Variants in SMYD3 observed in about 807,000 individuals in gnomAD.
SMYD3 encodes the protein histone-lysine N-methyltransferase SMYD3.
In SMYD3, 36 loss-of-function variants were observed where a neutral mutation model predicts 57.7. The ratio of observed to expected loss-of-function variants is 0.62; its 90% CI spans 0.48 to 0.82. SMYD3 has a LOEUF of 0.82. SMYD3 is among the 40% of genes least tolerant of loss of function. SMYD3 has a pLI of 0.00. For missense variants in SMYD3, 515 were observed against 538.8 expected, an observed-to-expected ratio of 0.96 and a Z score of 0.44; for synonymous variants, 211 against 195.0, an observed-to-expected ratio of 1.08 and a Z score of -0.68.
At chr1:246,407,718 T>A (rs1267196261) in intron 1 of SMYD3, among the ~76,000 whole-genome samples, 1 of 151,930 alleles carries the variant, frequency 6.6e-6, no homozygotes. Context: ...GGCAAGCGCC[T>A]GTAATCCCAG....
intron 10 of SMYD3, among the ~76,000 whole-genome samples, chr1:245,792,918 T>C (rs921800432): frequency 1.3e-5 from 2 of 152,166 alleles, no homozygotes; most frequent in African/African-American, 4.8e-5. Context: ...TATGCTCTCC[T>C]AAGTTATAAA....
At chr1:245,808,716 A>C (rs1015527970) in intron 10 of SMYD3, among the ~76,000 whole-genome samples, 49 of 151,766 alleles carry the variant, frequency 3.2e-4, no homozygotes, top group African/African-American at 1.2e-3. Context: ...GTCCCATCCC[A>C]GGACAGTGCT....
chr1:246,447,436 G>A (rs1191079455), intron 1 of SMYD3, among the ~76,000 whole-genome samples: 1 of 152,134 alleles, frequency 6.6e-6, no homozygotes, highest in Non-Finnish European at 1.5e-5. Context: ...CCAAACTTAT[G>A]ACAAGATGAA....
intron 5 of SMYD3, among the ~76,000 whole-genome samples, chr1:246,228,646 G>A (rs2148442156): frequency 6.6e-6 from 1 of 152,262 alleles, no homozygotes; most frequent in African/African-American, 2.4e-5. Context: ...TATGGTGGCT[G>A]AAGTGACAAT....
chr1:246,301,582 C>CAA (rs2064892162), intron 5 of SMYD3, among the ~76,000 whole-genome samples: 1 of 152,104 alleles, frequency 6.6e-6, no homozygotes, highest in Non-Finnish European at 1.5e-5. Flanking sequence ...TTTATACTGT[C>CAA]TATTGAGAGT....
At chr1:246,407,282 C>T (rs2066882600) in intron 1 of SMYD3, among the ~76,000 whole-genome samples, 1 of 152,200 alleles carries the variant, frequency 6.6e-6, no homozygotes, top group Non-Finnish European at 1.5e-5. Context: ...TCTAAGATTG[C>T]AACCACCAGG....
Position 245,964,796 on chromosome 1 carries a change from T to TGAA in SMYD3, c.532-34860_532-34859insTTC, listed in dbSNP as rs1553375138. Among the ~76,000 whole-genome samples, 4 of 131,344 alleles carry TGAA rather than the reference T, an allele frequency of 3.0e-5. No individual in the cohort carries two copies. The South Asian group carries it at 7.0e-4, about 23-fold the overall frequency. 86.2% of individuals were successfully genotyped at this position (131,344 alleles called of 152,430 possible). On this transcript the variant is annotated intron_variant, in intron 5 of 11. Coordinates refer to ENST00000490107, the MANE Select transcript of SMYD3 (RefSeq NM_001167740.2). Reference sequence around the variant, plus strand: ...GAAAAAGCAAAGAGAACAAAGATTGTAAAAAAAAAAAAAGAATATCCAAGA... The same window carrying TGAA: ...GAAAAAGCAAAGAGAACAAAGATTGTGAAAAAAAAAAAAAAAGAATATCCAAGA...
At chr1:246,407,097 A>T (rs1170548189) in intron 1 of SMYD3, among the ~76,000 whole-genome samples, 1 of 152,204 alleles carries the variant, frequency 6.6e-6, no homozygotes, top group Non-Finnish European at 1.5e-5. Flanking sequence ...TGGTTTTCAC[A>T]ATAATTGGGG....
intron 10 of SMYD3, among the ~76,000 whole-genome samples, chr1:245,838,420 G>T (rs915019235): frequency 2.0e-5 from 3 of 152,240 alleles, no homozygotes; most frequent in African/African-American, 7.2e-5. Context: ...AATGGTGGGA[G>T]AAATCATTCA....
At chr1:245,877,192 G>A (rs960486457) in intron 8 of SMYD3, among the ~76,000 whole-genome samples, 4 of 152,238 alleles carry the variant, frequency 2.6e-5, no homozygotes, top group African/African-American at 9.6e-5. Context: ...TAGGTCTGCA[G>A]TTACTTGCTG....
chr1:245,882,156 G>C (rs1329121336), intron 8 of SMYD3, among the ~76,000 whole-genome samples: 2 of 152,174 alleles, frequency 1.3e-5, no homozygotes, highest in African/African-American at 4.8e-5. Context: ...AACAGAGAAG[G>C]GTGCTGAAGA....
At chr1:246,413,930 T>C (rs1182461653) in intron 1 of SMYD3, among the ~76,000 whole-genome samples, 2 of 152,158 alleles carry the variant, frequency 1.3e-5, no homozygotes, top group African/African-American at 2.4e-5. Flanking sequence ...TGATTAAAAC[T>C]CCGAAAAAAC....
chr1:246,178,591 G>A (rs1277587636), intron 5 of SMYD3, among the ~76,000 whole-genome samples: 1 of 152,138 alleles, frequency 6.6e-6, no homozygotes, highest in African/African-American at 2.4e-5. Flanking sequence ...TGCATGCATG[G>A]CTACAGCATA....
At chr1:245,944,741 CACT>C (rs1385934487) in intron 5 of SMYD3, among the ~76,000 whole-genome samples, 4 of 152,094 alleles carry the variant, frequency 2.6e-5, no homozygotes, top group African/African-American at 9.7e-5. Context: ...CTTAAAACTA[CACT>C]ACAAGGCTAC....
chr1:246,449,566 T>C (rs1223940228), intron 1 of SMYD3, among the ~76,000 whole-genome samples: 1 of 152,152 alleles, frequency 6.6e-6, no homozygotes, highest in Admixed American at 6.5e-5. Context: ...TATAATCTCT[T>C]TGAACGTGAG....
intron 5 of SMYD3, among the ~76,000 whole-genome samples, chr1:246,140,359 G>C (rs1310024232): frequency 6.6e-6 from 1 of 152,080 alleles, no homozygotes. Flanking sequence ...CGTATTCTTT[G>C]GGACTAAGAA....
At chr1:246,490,001 C>CTT (rs71968916) in intron 1 of SMYD3, among the ~76,000 whole-genome samples, 6 of 92,308 alleles carry the variant, frequency 6.5e-5, no homozygotes, top group South Asian at 3.7e-4. Flanking sequence ...TAATTTTTTC[C>CTT]TTTTTTTTTT....
rs1280842151 is a variant in SMYD3, at chr1:245,951,383, C to T, written c.532-21446G>A. ...AGGAGATCGAGACCATCCTGGCTAA[C>T]ACGGTGAAACCCCATCTCTACTAAA... On this transcript the variant is annotated intron_variant, in intron 5 of 11. Transcript: ENST00000490107. Among the ~76,000 whole-genome samples, 6 of 140,372 alleles carry T rather than the reference C, an allele frequency of 4.3e-5. No homozygotes were observed. In the East Asian group the frequency reaches 8.1e-4, roughly 19 times the overall value. The allele number at this position is 140,372 out of a possible 152,430, so 92.1% of individuals were successfully genotyped here. A position where few individuals can be genotyped will look rare whatever the true frequency, so the allele number is the denominator to read the frequency against.
intron 2 of SMYD3, among the ~76,000 whole-genome samples, chr1:246,338,698 C>T (rs988854332): frequency 2.0e-5 from 3 of 152,136 alleles, no homozygotes; most frequent in Non-Finnish European, 4.4e-5. Context: ...TCTTTCAGTG[C>T]ATGCATGACT....
Sources: allele counts gnomAD v4.1 joint callset (sites outside exome capture counted in the v4.1 genomes callset), GRCh38; gene constraint gnomAD v4.1.1; transcripts MANE v1.5; gene names NCBI Gene and HGNC (gene_info 2026-07-23, HGNC 2026-07-21).